Variants in GCN1 observed in about 807,000 individuals in gnomAD.
GCN1 encodes GCN1 activator of EIF2AK4.
Under a neutral mutation model 288.4 loss-of-function variants are expected in GCN1, and 90 were observed. That is an observed-to-expected ratio of 0.31 (90% CI 0.26 to 0.37). GCN1 has a LOEUF of 0.37. GCN1 is among the 10% of genes least tolerant of loss of function. The pLI is 1.00. For synonymous variants in GCN1, 1,386 were observed against 1,420.2 expected (o/e 0.98, Z 0.54); for missense variants, 2,586 against 3,419.9 (o/e 0.76, Z 6.08).
In GCN1 at chr12:120,137,008, G is replaced by C. The variant is rs201125286; in HGVS notation, c.6777+198C>G. ...CACTCTGGCCAAGGTGACCTGCAGA[G>C]CTTAAACCAAAGGCAGCATGAACCC... On this transcript the variant is annotated intron_variant, in intron 50 of 57. Transcript: ENST00000300648. This position sits in a 1 kb window ranked among gnomAD's most constrained non-coding sequence, Gnocchi z 5.2. Among the ~76,000 whole-genome samples, 1 of 152,186 alleles carries C rather than the reference G, an allele frequency of 6.6e-6. No individual in the cohort carries two copies. The highest frequency in any genetic ancestry group is 1.5e-5 in the Non-Finnish European group (1 of 68,032).
Position 120,158,077 on chromosome 12 carries a change from C to A in GCN1, c.2906-47G>T. 6.4e-7 allele frequency: 1 copy of A among 1,573,786 alleles called. No homozygotes were observed. The highest frequency in any genetic ancestry group is 8.7e-7 in the Non-Finnish European group (1 of 1,148,162). ...AAGATTCTGCAGGCAGGGCAGGGAC[C>A]CGGGCCACTGCTGCCTATTTCTATC... On this transcript the variant is annotated intron_variant, in intron 25 of 57. Transcript: ENST00000300648. The surrounding 1 kb of genome is among the most constrained non-coding windows in gnomAD (Gnocchi z 4.3).
chr12:120,160,091 A>T (rs746782774), intron 23 of GCN1, 51 bp downstream of exon 23: 1 of 1,585,972 alleles, frequency 6.3e-7, no homozygotes, highest in African/African-American at 1.3e-5. Flanking sequence ...AGCAGGACCA[A>T]GCTGCCCAGC....
At position 120,144,297 on chromosome 12, in the gene GCN1, A is replaced by G. The variant is rs757030555; in HGVS notation, c.5495+9T>C. The G allele has an allele frequency of 7.4e-6, 12 of 1,614,084 alleles. No homozygotes were observed. The highest frequency in any genetic ancestry group is 5.0e-5 in the Admixed American group (3 of 60,000). On this transcript the variant is annotated intron_variant, in intron 42 of 57. Transcript: ENST00000300648. This position sits in a 1 kb window ranked among gnomAD's most constrained non-coding sequence, Gnocchi z 4.7. ...CATCCCCACTGGGTCTTTCTGCCCA[A>G]GTTCTCACCTGATTCTCCAAAGGTC...
chr12:120,134,512 G>T lies in GCN1; in HGVS notation c.7202+21C>A. The T allele has an allele frequency of 6.2e-7, 1 of 1,609,324 alleles. No individual in the cohort carries two copies. The highest frequency in any genetic ancestry group is 8.5e-7 in the Non-Finnish European group (1 of 1,176,092). ...CCCCTGGCCTCCTGGAGGCCACAGT[G>T]CTCCCTTGCCAGCGCCGTACCTGAC... On this transcript the variant is annotated intron_variant, in intron 52 of 57. Coordinates refer to ENST00000300648, the MANE Select transcript of GCN1 (RefSeq NM_006836.2). The surrounding 1 kb of genome is among the most constrained non-coding windows in gnomAD (Gnocchi z 5.0).
intron 4 of GCN1, 134 bp downstream of exon 4, chr12:120,183,978 T>C: frequency 1.2e-6 from 1 of 836,728 alleles, no homozygotes; most frequent in Non-Finnish European, 1.9e-6. Context: ...TTCCCAACCC[T>C]GCTCCTCGGG....
rs201082049 is a variant in GCN1 at position 120,136,635 on chromosome 12, C to A, written c.6875G>T (p.Arg2292Leu). The A allele has an allele frequency of 3.7e-6, 6 of 1,614,040 alleles. No homozygotes were observed. Among genetic ancestry groups the A allele is most frequent in the African/African-American group, 2.7e-5 (2 of 74,930 alleles). The change falls in exon 51 of 58, where the codon CGC (arginine) becomes CTC (leucine). Residue 2292 changes from arginine (R) to leucine (L), a missense_variant. This residue lies in a region of GCN1 where 437 missense variants were observed against 570.5 expected (regional missense o/e 0.77). Transcript: ENST00000300648. ...CCTCAGGGCGTCAGCCGAGGTCAGG[C>A]GGATTACCAAGCCTAAGGCTTTGGC... is the stretch of plus-strand genomic sequence containing the variant. ...EAAKALGLVI[R>L]LTSADALRPS...
intron 9 of GCN1, 148 bp downstream of exon 9, chr12:120,177,299 A>G (rs769106864): frequency 5.1e-5 from 30 of 588,350 alleles, no homozygotes; most frequent in Non-Finnish European, 7.6e-5. Flanking sequence ...AAGGTCCCCA[A>G]TCTCTCTCCC....
Position 120,158,469 on chromosome 12 carries a change from C to G in GCN1, c.2896G>C (p.Gly966Arg). ...CCGTCCCAGCCCTTACCTGGCTCCC[C>G]CTTGCCCACCCTGCTGGTGATGGTG... ...THTITSRVGK[G>R]EPGAAPLSAP... The change falls in exon 25 of 58, where the codon GGG becomes CGG. Residue 966 changes from glycine to arginine, a missense_variant. Transcript: ENST00000300648. This position sits in a 1 kb window ranked among gnomAD's most constrained non-coding sequence, Gnocchi z 4.3. 1 of 1,551,962 alleles carries G rather than the reference C, an allele frequency of 6.4e-7. No individual in the cohort carries two copies. The highest frequency in any genetic ancestry group is 8.7e-7 in the Non-Finnish European group (1 of 1,147,280).
Position 120,137,468 on chromosome 12 carries a change from T to A in GCN1, c.6663+77A>T. 1 of 1,520,648 alleles carries A rather than the reference T, an allele frequency of 6.6e-7. No individual in the cohort carries two copies. The highest frequency in any genetic ancestry group is 1.1e-5 in the South Asian group (1 of 86,978). 94.2% of individuals were successfully genotyped at this position (1,520,648 alleles called of 1,614,324 possible). On this transcript the variant is annotated intron_variant, in intron 49 of 57. Transcript: ENST00000300648. The surrounding 1 kb of genome is among the most constrained non-coding windows in gnomAD (Gnocchi z 5.2). The stretch of plus-strand genomic sequence containing the variant: ...GCTGAGTGACAGGTACGTGGGGGAT[T>A]CTTATAAGTCTATTCCTGTAAATGT...
chr12:120,162,392 G>C (rs1183656190), intron 20 of GCN1, among the ~76,000 whole-genome samples: 1 of 152,222 alleles, frequency 6.6e-6, no homozygotes. Flanking sequence ...TGGCACCCAA[G>C]TCAGATTAAT....
At chr12:120,194,589 C>A in intron 1 of GCN1, 91 bp downstream of exon 1, 1 of 1,192,870 alleles carries the variant, frequency 8.4e-7, no homozygotes, top group Non-Finnish European at 1.2e-6. Flanking sequence ...CCTCCAACGC[C>A]CCTAAGCCGA....
chr12:120,152,769 G>A (rs1437656269), intron 33 of GCN1, among the ~76,000 whole-genome samples: 2 of 151,400 alleles, frequency 1.3e-5, no homozygotes, highest in Non-Finnish European at 2.9e-5. Flanking sequence ...ACATTAAAAC[G>A]CACCTGTAAC....
Position 120,151,136 on chromosome 12 carries a change from G to C in GCN1, c.4309+9C>G. The stretch of plus-strand genomic sequence containing the variant: ...CATGCTGGGCAGCCCCAAGCTCAGA[G>C]ATGCTCACCCTCTCGCCGGCGGAAG... On this transcript the variant is annotated intron_variant, in intron 34 of 57. Coordinates refer to ENST00000300648, the MANE Select transcript of GCN1 (RefSeq NM_006836.2). 1 of 1,611,734 alleles carries C rather than the reference G, an allele frequency of 6.2e-7. No individual in the cohort carries two copies. The highest frequency in any genetic ancestry group is 8.5e-7 in the Non-Finnish European group (1 of 1,179,524).
At chr12:120,132,391 G>C (rs911724682) in intron 53 of GCN1, among the ~76,000 whole-genome samples, 1 of 152,128 alleles carries the variant, frequency 6.6e-6, no homozygotes, top group African/African-American at 2.4e-5. Context: ...CTGTGAGGCA[G>C]GGAGGGGCGG....
At chr12:120,178,489 T>G in intron 7 of GCN1, 136 bp downstream of exon 7, 50 of 839,930 alleles carry the variant, frequency 6.0e-5, no homozygotes, top group Non-Finnish European at 9.2e-5. Flanking sequence ...GAGTCTCACA[T>G]GAGAAAACCA....
chr12:120,129,200 A>T, intron 57 of GCN1, 76 bp downstream of exon 57: 1 of 1,122,166 alleles, frequency 8.9e-7, no homozygotes, highest in Non-Finnish European at 1.4e-6. Flanking sequence ...CCTGTGGTTT[A>T]AATATTTCCA....
At chr12:120,154,183 C>T (rs1316491227) in intron 31 of GCN1, among the ~76,000 whole-genome samples, 1 of 152,236 alleles carries the variant, frequency 6.6e-6, no homozygotes, top group African/African-American at 2.4e-5. Flanking sequence ...GAGTGCAATG[C>T]TCACCCCTCT....
At chr12:120,166,992 GCAA>G (rs1290435960) in intron 16 of GCN1, among the ~76,000 whole-genome samples, 7 of 151,880 alleles carry the variant, frequency 4.6e-5, no homozygotes, top group Non-Finnish European at 1.0e-4. Flanking sequence ...TCCAGCCTGG[GCAA>G]CAGAGTGAGA....
Position 120,188,454 on chromosome 12 carries a change from A to C in GCN1, c.121+1844T>G, listed in dbSNP as rs558169081. Among the ~76,000 whole-genome samples the C allele has an allele frequency of 6.0e-5, 9 of 151,148 alleles. 1 individual carries two copies. The highest frequency in any genetic ancestry group is 3.3e-4 in the Admixed American group (5 of 15,152). ...GTCTCACCAAAGAAAAAAAAAAAAA[A>C]AAAACCTCTCCCAACTTATTTGATC... is the stretch of plus-strand genomic sequence containing the variant. On this transcript the variant is annotated intron_variant, in intron 2 of 57. Coordinates refer to ENST00000300648, the MANE Select transcript of GCN1 (RefSeq NM_006836.2).
Sources: gnomAD v4.1 joint callset for allele counts (sites outside exome capture counted in the v4.1 genomes callset) on GRCh38, gnomAD v4.1.1 for gene constraint, gnomAD v4.1.1 regional missense constraint, Gnocchi (gnomAD v3.1) non-coding constraint, MANE v1.5 for transcripts, NCBI Gene and HGNC (gene_info 2026-07-23, HGNC 2026-07-21) for gene names.